The following GABRA3 variants were observed in gnomAD, a reference collection of about 807,000 sequenced individuals.
GABRA3 encodes gamma-aminobutyric acid receptor subunit alpha-3.
Under a neutral mutation model 30.1 loss-of-function variants are expected in GABRA3, and 10 were observed. That is an observed-to-expected ratio of 0.33 (90% confidence interval 0.20 to 0.56). The LOEUF (loss-of-function observed/expected upper bound fraction) is 0.56, where lower values mean the gene tolerates loss of function less well. Among genes scored for constraint, GABRA3 ranks in the 20% least tolerant of loss-of-function variants. The pLI, the probability that GABRA3 is intolerant of heterozygous loss-of-function variation, is 0.89. For synonymous variants in GABRA3, 151 were observed against 146.8 expected, an observed-to-expected ratio of 1.03 and a Z score of -0.21; for missense variants, 233 against 392.0, an observed-to-expected ratio of 0.59 and a Z score of 3.42.
At chrX:152,295,423 C>T (rs768880618) in intron 3 of GABRA3, among the ~76,000 whole-genome samples, 5 of 113,092 alleles carry the variant, frequency 4.4e-5, no homozygotes, top group African/African-American at 1.6e-4. Flanking sequence ...CTCCCCCTGC[C>T]AGGCTGTTGC....
intron 3 of GABRA3, among the ~76,000 whole-genome samples, chrX:152,309,698 G>A (rs1332602169): frequency 4.5e-5 from 5 of 111,138 alleles, no homozygotes; most frequent in Admixed American, 9.6e-5. Flanking sequence ...ACACATTCAG[G>A]TACATAGACA....
chrX:152,170,602 C>T (rs953633980), intron 9 of GABRA3, among the ~76,000 whole-genome samples: 1 of 112,190 alleles, frequency 8.9e-6, no homozygotes, highest in Non-Finnish European at 1.9e-5. Flanking sequence ...AGGTGCAAGC[C>T]ACTACACCTG....
chrX:152,278,524 C>G (rs1196366122), intron 4 of GABRA3, among the ~76,000 whole-genome samples: 2 of 111,560 alleles, frequency 1.8e-5, no homozygotes, highest in African/African-American at 6.5e-5. Flanking sequence ...GGACATTTGG[C>G]TTGGTTCCAA....
At chrX:152,340,847 T>C (rs747729146) in intron 3 of GABRA3, among the ~76,000 whole-genome samples, 3 of 111,404 alleles carry the variant, frequency 2.7e-5, no homozygotes, top group Non-Finnish European at 3.8e-5. Context: ...GTTGGGGAGA[T>C]TGCAATTTTA....
chrX:152,357,067 C>T (rs187137662), intron 2 of GABRA3, among the ~76,000 whole-genome samples: 59 of 111,825 alleles, frequency 5.3e-4, no homozygotes, highest in African/African-American at 1.9e-3. Flanking sequence ...ATACATGTGT[C>T]TTTATGATAG....
chrX:152,182,363 GTATATATACAC>G (rs1368407137), intron 9 of GABRA3, among the ~76,000 whole-genome samples: 4 of 91,428 alleles, frequency 4.4e-5, no homozygotes, highest in Non-Finnish European at 8.6e-5. Flanking sequence ...TACACACTAT[GTATATATACAC>G]TATATATAGT....
At chrX:152,228,384 G>A (rs746671256) in intron 5 of GABRA3, among the ~76,000 whole-genome samples, 1 of 111,618 alleles carries the variant, frequency 9.0e-6, no homozygotes, top group Non-Finnish European at 1.9e-5. Context: ...AGATAGAAAA[G>A]TTATTATAAA....
intron 1 of GABRA3, among the ~76,000 whole-genome samples, chrX:152,443,794 A>G (rs1217681602): frequency 8.9e-6 from 1 of 112,172 alleles, no homozygotes; most frequent in African/African-American, 3.2e-5. Flanking sequence ...GGTGAGGTTC[A>G]AAGAAGCAAA....
chrX:152,196,743 C>G (rs192324324), intron 8 of GABRA3, among the ~76,000 whole-genome samples: 38 of 112,379 alleles, frequency 3.4e-4, no homozygotes, highest in Non-Finnish European at 5.8e-4. Context: ...ACTCTCCTCA[C>G]ATGACTTCCA....
chrX:152,200,834 CT>C (rs1937474086), intron 7 of GABRA3, among the ~76,000 whole-genome samples: 1 of 112,583 alleles, frequency 8.9e-6, no homozygotes, highest in South Asian at 3.6e-4. Flanking sequence ...TTTTGAATAA[CT>C]GACTCAAAAT....
intron 6 of GABRA3, among the ~76,000 whole-genome samples, chrX:152,209,442 C>A (rs1937610609): frequency 9.0e-6 from 1 of 111,416 alleles, no homozygotes; most frequent in Non-Finnish European, 1.9e-5. Context: ...ATACTGTATA[C>A]CCTTTTCCTT....
At chrX:152,346,324 A>G (rs1174963557) in intron 2 of GABRA3, among the ~76,000 whole-genome samples, 2 of 111,831 alleles carry the variant, frequency 1.8e-5, no homozygotes, top group East Asian at 5.6e-4. Flanking sequence ...CTCTTGCAAT[A>G]TACAAAAATC....
At chrX:152,395,853 A>G (rs1929646868) in intron 1 of GABRA3, among the ~76,000 whole-genome samples, 1 of 112,025 alleles carries the variant, frequency 8.9e-6, no homozygotes, top group Non-Finnish European at 1.9e-5. Flanking sequence ...GATCAATCTC[A>G]AACATCAGTG....
intron 3 of GABRA3, among the ~76,000 whole-genome samples, chrX:152,322,524 A>G (rs995263703): frequency 1.8e-5 from 2 of 111,150 alleles, no homozygotes; most frequent in Non-Finnish European, 3.8e-5. Flanking sequence ...TTTAAAATAA[A>G]TAAAGTCAAC....
At chrX:152,418,129 C>G (rs887825140) in intron 1 of GABRA3, among the ~76,000 whole-genome samples, 1 of 110,781 alleles carries the variant, frequency 9.0e-6, no homozygotes, top group African/African-American at 3.3e-5. Context: ...CTAATAGTAC[C>G]GGCCATCAGA....
At chrX:152,237,297 G>C (rs1418822177) in intron 5 of GABRA3, among the ~76,000 whole-genome samples, 4 of 109,769 alleles carry the variant, frequency 3.6e-5, no homozygotes, top group African/African-American at 1.3e-4. Context: ...TCAAAGATCA[G>C]ATAGTTGTAG....
chrX:152,356,330 G>A (rs1940548306), intron 2 of GABRA3, among the ~76,000 whole-genome samples: 1 of 112,081 alleles, frequency 8.9e-6, no homozygotes, highest in African/African-American at 3.2e-5. Flanking sequence ...TAAAATGGCT[G>A]TGGCGGCCAA....
intron 1 of GABRA3, among the ~76,000 whole-genome samples, chrX:152,417,588 C>A (rs773268266): frequency 2.3e-5 from 2 of 88,034 alleles, no homozygotes; most frequent in African/African-American, 4.4e-5. Flanking sequence ...ATGTTTATTG[C>A]GGCATTATTC....
intron 5 of GABRA3, among the ~76,000 whole-genome samples, chrX:152,246,288 G>T (rs1348737171): frequency 2.7e-5 from 3 of 111,806 alleles, no homozygotes; most frequent in African/African-American, 9.7e-5. Context: ...GACTCAATTT[G>T]CCTGGAGACC....
Sources: gnomAD v4.1 joint callset for allele counts (sites outside exome capture counted in the v4.1 genomes callset) on GRCh38, gnomAD v4.1.1 for gene constraint, MANE v1.5 for transcripts, NCBI Gene and HGNC (gene_info 2026-07-23, HGNC 2026-07-21) for gene names.